ZNF189: variants seen among roughly 807,000 people sequenced by gnomAD.
The protein encoded by ZNF189 is zinc finger protein 189.
Under a neutral mutation model 53.5 loss-of-function variants are expected in ZNF189, and 33 were observed. The ratio of observed to expected loss-of-function variants is 0.62; its 90% CI spans 0.47 to 0.82. The LOEUF (loss-of-function observed/expected upper bound fraction) is 0.82. Among genes scored for constraint, ZNF189 ranks in the 40% least tolerant of loss-of-function variants. The probability of loss-of-function intolerance (pLI) is 0.00; values close to 1 mark genes in which losing one functional copy is unlikely to be tolerated. For missense variants in ZNF189, 711 were observed against 753.9 expected (o/e 0.94, Z 0.67); for synonymous variants, 247 against 238.8 (o/e 1.03, Z -0.32).
rs1454125510 is a variant in ZNF189, at chr9:101,409,150, G to T, written c.1382G>T (p.Cys461Phe). Residue 461 changes from cysteine (C) to phenylalanine (F), a missense_variant, in exon 3 of 3, where the codon TGT becomes TTT. Cys to Phe is a radical substitution (Grantham distance 205, BLOSUM62 -2). Transcript: ENST00000339664. ...GAGAAATCTTATAAATGTGATGAAT[G>T]TGGGAAAACTTTTAGTGTTAGTGCT... ...PKEKSYKCDE[C>F]GKTFSVSAHL... is the part of the protein sequence containing the mutation. The T allele has an allele frequency of 6.2e-7, 1 of 1,614,012 alleles. No individual in the cohort carries two copies.
In ZNF189 at chr9:101,409,091, C is replaced by A. The variant is rs560474324; in HGVS notation, c.1323C>A (p.Cys441Ter). 6.2e-7 allele frequency: 1 copy of A among 1,613,662 alleles called. No individual in the cohort carries two copies. Among genetic ancestry groups the A allele is most frequent in the Admixed American group, 1.7e-5 (1 of 59,950 alleles). The change falls in exon 3 of 3, where the codon TGC becomes TGA. Residue 441 changes from cysteine to a stop codon, truncating the protein, a stop_gained. Transcript: ENST00000339664. LOFTEE classifies it high-confidence loss of function. The stretch of plus-strand genomic sequence containing the variant: ...CTAAGGAAAGTTTTGATCCAAATTG[C>A]AGTCTTGTTATACAGCAGGAAGTCT... ...NETKESFDPNCSLVIQQEVYP... is the reference protein window; with the variant it reads ...NETKESFDPN
At position 101,409,140 on chromosome 9, in the gene ZNF189, T is replaced by A; in HGVS notation, c.1372T>A (p.Cys458Ser). The change falls in exon 3 of 3, where the codon TGT (cysteine) becomes AGT (serine). Residue 458 changes from cysteine (C) to serine (S), a missense_variant. Cys to Ser is a moderately radical substitution (Grantham distance 112, BLOSUM62 -1). Coordinates refer to ENST00000339664, the MANE Select transcript of ZNF189 (RefSeq NM_003452.4). Reference protein sequence around the residue: ...EVYPKEKSYKCDECGKTFSVS... With the variant: ...EVYPKEKSYKSDECGKTFSVS... ...CTACCCTAAGGAGAAATCTTATAAA[T>A]GTGATGAATGTGGGAAAACTTTTAG... 1 of 1,614,076 alleles carries A rather than the reference T, an allele frequency of 6.2e-7. No individual in the cohort carries two copies. The highest frequency in any genetic ancestry group is 8.5e-7 in the Non-Finnish European group (1 of 1,179,992).
In ZNF189 at chr9:101,399,185, C is replaced by G. The variant is rs1011010414; in HGVS notation, c.29C>G (p.Ser10Trp). Residue 10 changes from serine to tryptophan, a missense_variant, in exon 1 of 3, where the codon TCG becomes TGG. Physicochemically the swap from Ser to Trp is radical, Grantham distance 177. Transcript: ENST00000339664. MASPSPPPESKGLLTFEDVA... is the reference protein window; with the variant it reads MASPSPPPEWKGLLTFEDVA... ...GCTTCCCCGAGCCCCCCGCCGGAGT[C>G]GAAGGTAAGTAAGCACCCCCCCGGG... The G allele has an allele frequency of 1.3e-6, 2 of 1,594,354 alleles. No individual in the cohort carries two copies. Among genetic ancestry groups the G allele is most frequent in the Non-Finnish European group, 1.7e-6 (2 of 1,164,318 alleles).
rs1830871729 is a variant in ZNF189, at chr9:101,409,732, T to C, written c.*83T>C. ...AGTATGGCTCAACATGGGTCAGATT[T>C]AGTGATAAAGCAAATTCTCCTTGGC... On this transcript the variant is annotated 3_prime_UTR_variant, in exon 3 of 3. Transcript: ENST00000339664. 2 of 1,458,986 alleles carry C rather than the reference T, an allele frequency of 1.4e-6. No homozygotes were observed. The highest frequency in any genetic ancestry group is 2.5e-5 in the Admixed American group (1 of 40,388). The allele number at this position is 1,458,986 out of a possible 1,614,324, so 90.4% of individuals were successfully genotyped here.
chr9:101,399,326 A>T, intron 1 of ZNF189, 137 bp downstream of exon 1: 1 of 1,415,552 alleles, frequency 7.1e-7, no homozygotes, highest in Non-Finnish European at 9.2e-7. Flanking sequence ...GGAACTCCCC[A>T]CTAGTGCATT....
At position 101,408,550 on chromosome 9, in the gene ZNF189, A is replaced by G. The variant is rs781486939; in HGVS notation, c.782A>G (p.Lys261Arg). The G allele has an allele frequency of 3.1e-6, 5 of 1,614,078 alleles. No homozygotes were observed. The South Asian group carries it at 4.4e-5, about 14-fold the overall frequency. The change falls in exon 3 of 3, where the codon AAA becomes AGA. Residue 261 changes from lysine (K) to arginine (R), a missense_variant. Physicochemically the swap from Lys to Arg is conservative, Grantham distance 26. Transcript: ENST00000339664. ...QRIHTGEKPH[K>R]CSDCGKAFSW... is the part of the protein sequence containing the mutation. ...ATTCATACAGGTGAGAAACCCCATA[A>G]ATGTAGTGACTGTGGGAAAGCCTTC...
At chr9:101,399,694 G>A (rs1370745837) in intron 1 of ZNF189, among the ~76,000 whole-genome samples, 190 bp from the exon 2 acceptor site, 3 of 152,214 alleles carry the variant, frequency 2.0e-5, no homozygotes, top group East Asian at 1.9e-4. Flanking sequence ...AGCCTTATCC[G>A]TAGGTCCTTT....
At position 101,409,952 on chromosome 9, in the gene ZNF189, A is replaced by G; in HGVS notation, c.*303A>G. ...TGAGGGACAAAGTTGGATTAGTATA[A>G]GGGAGCTGGAGCAGCTGATAGTGGA... On this transcript the variant is annotated 3_prime_UTR_variant, in exon 3 of 3. Transcript: ENST00000339664. 3.9e-6 allele frequency: 1 copy of G among 258,902 alleles called. No homozygotes were observed. The highest frequency in any genetic ancestry group is 7.3e-6 in the Non-Finnish European group (1 of 136,116). The allele number at this position is 258,902 out of a possible 1,614,324, so 16.0% of individuals were successfully genotyped here. A position where few individuals can be genotyped will look rare whatever the true frequency, so the allele number is the denominator to read the frequency against.
rs199756475 is a variant in ZNF189 at position 101,409,455 on chromosome 9, A to G, written c.1687A>G (p.Thr563Ala). 4.3e-6 allele frequency: 7 copies of G among 1,614,090 alleles called. No individual in the cohort carries two copies. The highest frequency in any genetic ancestry group is 5.9e-6 in the Non-Finnish European group (7 of 1,180,036). ...TCTTATTCAGCATCAGAGAATACAC[A>G]CAGGAGAGAAACCTTATAAGTGTGA... ...SGLIQHQRIHTGEKPYKCEKC... is the reference protein window; with the variant it reads ...SGLIQHQRIHAGEKPYKCEKC... The change falls in exon 3 of 3, where the codon ACA becomes GCA. Residue 563 changes from threonine to alanine, a missense_variant. Coordinates refer to ENST00000339664, the MANE Select transcript of ZNF189 (RefSeq NM_003452.4).
At position 101,408,335 on chromosome 9, in the gene ZNF189, A is replaced by C; in HGVS notation, c.567A>C (p.Ser189=). The part of the protein sequence containing the change: ...NECGKSFSRS[S]FVIEHQRIHT... ...GTGGGAAAAGTTTTAGTCGCAGTTCATTTGTTATTGAACATCAGAGAATTC... is the reference window on the plus strand; with the variant it reads ...GTGGGAAAAGTTTTAGTCGCAGTTCCTTTGTTATTGAACATCAGAGAATTC... Residue 189 remains serine, a synonymous_variant, in exon 3 of 3, where the codon TCA becomes TCC. Transcript: ENST00000339664. The C allele has an allele frequency of 6.2e-7, 1 of 1,614,156 alleles. No individual in the cohort carries two copies. Among genetic ancestry groups the C allele is most frequent in the South Asian group, 1.1e-5 (1 of 91,078 alleles).
In ZNF189 at chr9:101,399,976, C is replaced by T; in HGVS notation, c.126C>T (p.Val42=). Residue 42 remains valine (V), a synonymous_variant, in exon 2 of 3, where the codon GTC becomes GTT. Coordinates refer to ENST00000339664, the MANE Select transcript of ZNF189 (RefSeq NM_003452.4). ...DPAQRSLYKD[V]MMENYGNLVS... ...CTCAGAGAAGCCTGTATAAAGATGT[C>T]ATGATGGAGAATTATGGAAACCTGG... 3.7e-6 allele frequency: 6 copies of T among 1,614,104 alleles called. No homozygotes were observed. The highest frequency in any genetic ancestry group is 1.7e-5 in the Admixed American group (1 of 60,018).
In ZNF189 at chr9:101,408,508, T is replaced by C. The variant is rs759939811; in HGVS notation, c.740T>C (p.Leu247Pro). 2 of 1,614,034 alleles carry C rather than the reference T, an allele frequency of 1.2e-6. 1 individual carries two copies. The highest frequency in any genetic ancestry group is 1.7e-6 in the Non-Finnish European group (2 of 1,180,050). The stretch of plus-strand genomic sequence containing the variant: ...CAGAGCTTCAGCCAGAGAAGGAGCC[T>C]TGTTAAACATCAAAGGATTCATACA... ...CKQSFSQRRS[L>P]VKHQRIHTGE... Residue 247 changes from leucine (L) to proline (P), a missense_variant, in exon 3 of 3, where the codon CTT (leucine) becomes CCT (proline). By Grantham distance (98) the Leu-to-Pro change is moderately conservative. Transcript: ENST00000339664.
chr9:101,400,121 T>C, intron 2 of ZNF189, 111 bp downstream of exon 2: 1 of 1,393,600 alleles, frequency 7.2e-7, no homozygotes, highest in African/African-American at 1.4e-5. Flanking sequence ...TCCAAAGTTC[T>C]GATTCAAACC....
intron 2 of ZNF189, 146 bp from the exon 3 acceptor site, chr9:101,407,783 G>GT (rs1013662832): frequency 7.7e-5 from 61 of 792,778 alleles, no homozygotes; most frequent in Non-Finnish European, 1.1e-4. Context: ...ACTTAGTGGA[G>GT]TTTTTTTTCA....
At chr9:101,399,336 T>A in intron 1 of ZNF189, 147 bp downstream of exon 1, 1 of 1,396,390 alleles carries the variant, frequency 7.2e-7, no homozygotes, top group Non-Finnish European at 9.3e-7. Flanking sequence ...ACTAGTGCAT[T>A]GGGGTGCGGT....
At chr9:101,402,741 TC>T (rs1213948576) in intron 2 of ZNF189, among the ~76,000 whole-genome samples, 12 of 152,232 alleles carry the variant, frequency 7.9e-5, no homozygotes, top group Admixed American at 7.9e-4. Flanking sequence ...GCATTTGATT[TC>T]TCCAGCACTT....
chr9:101,409,295 G>C lies in ZNF189; in HGVS notation c.1527G>C (p.Glu509Asp). ...AACATCAGAGAATCCACACTGGTGA[G>C]AGACCCTATCTGTGCAGACAGTGTG... ...LIEHQRIHTG[E>D]RPYLCRQCGK... Residue 509 changes from glutamate (E) to aspartate (D), a missense_variant, in exon 3 of 3, where the codon GAG becomes GAC. Physicochemically the swap from Glu to Asp is conservative, Grantham distance 45. Coordinates refer to ENST00000339664, the MANE Select transcript of ZNF189 (RefSeq NM_003452.4). 1 of 1,614,192 alleles carries C rather than the reference G, an allele frequency of 6.2e-7. No homozygotes were observed. Among genetic ancestry groups the C allele is most frequent in the South Asian group, 1.1e-5 (1 of 91,084 alleles).
At chr9:101,401,700 C>A (rs1254995737) in intron 2 of ZNF189, among the ~76,000 whole-genome samples, 4 of 152,138 alleles carry the variant, frequency 2.6e-5, no homozygotes, top group Non-Finnish European at 2.9e-5. Context: ...CTCTAATACT[C>A]CCTTTAAATT....
intron 2 of ZNF189, among the ~76,000 whole-genome samples, chr9:101,405,643 G>A (rs968509633): frequency 1.3e-5 from 2 of 151,772 alleles, no homozygotes; most frequent in Non-Finnish European, 1.5e-5. Flanking sequence ...AATAAATGAG[G>A]GAAATTTATC....
Sources: gnomAD v4.1 joint callset for allele counts (sites outside exome capture counted in the v4.1 genomes callset) on GRCh38, gnomAD v4.1.1 for gene constraint, MANE v1.5 for transcripts, NCBI Gene and HGNC (gene_info 2026-07-23, HGNC 2026-07-21) for gene names.